FGF14: variants seen among roughly 807,000 people sequenced by gnomAD.
FGF14 encodes fibroblast growth factor homologous factor 4.
FGF14 carries 5 observed loss-of-function variants against 25.5 expected under a neutral mutation model. That is an observed-to-expected ratio of 0.20 (90% CI 0.10 to 0.41). The LOEUF (loss-of-function observed/expected upper bound fraction) is 0.41. Among genes scored for constraint, FGF14 ranks in the 10% least tolerant of loss-of-function variants. The pLI is 1.00. For synonymous variants in FGF14, 138 were observed against 118.3 expected (o/e 1.17, Z -1.08); for missense variants, 222 against 320.1 (o/e 0.69, Z 2.34).
chr13:102,213,729 CA>C (rs1206161511), intron 1 of FGF14, among the ~76,000 whole-genome samples: 1 of 152,194 alleles, frequency 6.6e-6, no homozygotes, highest in Non-Finnish European at 1.5e-5. Context: ...CAAGCAGCCT[CA>C]ACAGTGTTTG....
intron 3 of FGF14, among the ~76,000 whole-genome samples, chr13:101,844,895 C>A (rs551733491): frequency 6.6e-6 from 1 of 152,002 alleles, no homozygotes; most frequent in African/African-American, 2.4e-5. Context: ...CTAACACTCC[C>A]GTGTCCCCTG....
At chr13:102,360,232 C>T (rs913281983) in intron 1 of FGF14, among the ~76,000 whole-genome samples, 3 of 152,168 alleles carry the variant, frequency 2.0e-5, no homozygotes, top group African/African-American at 4.8e-5. Flanking sequence ...TCATCCCTTT[C>T]GTCAGCTTGT....
At chr13:101,855,854 T>A (rs190132125) in intron 3 of FGF14, among the ~76,000 whole-genome samples, 1 of 151,758 alleles carries the variant, frequency 6.6e-6, no homozygotes, top group African/African-American at 2.4e-5. Flanking sequence ...ATTGCATGGA[T>A]GATGCATAAA....
chr13:102,016,495 T>C (rs1430000507), intron 1 of FGF14, among the ~76,000 whole-genome samples: 5 of 152,186 alleles, frequency 3.3e-5, no homozygotes, highest in Admixed American at 3.3e-4. Flanking sequence ...TACAAATACC[T>C]AGACCTAAAC....
rs2139660193 is a variant in FGF14 at position 101,723,102 on chromosome 13, C to G, written c.608-135G>C. 3 of 1,014,206 alleles carry G rather than the reference C, an allele frequency of 3.0e-6. No individual in the cohort carries two copies. The East Asian group carries it at 7.2e-5, about 24-fold the overall frequency. 62.8% of individuals were successfully genotyped at this position (1,014,206 alleles called of 1,614,324 possible). On this transcript the variant is annotated intron_variant, in intron 4 of 4. Transcript: ENST00000376143. ...CTGAAGTAAAGCAATTCCATTGAGA[C>G]AGAATTCCTGTTGTAAAGCAATCAT...
At chr13:101,863,783 A>T (rs1008361899) in intron 3 of FGF14, among the ~76,000 whole-genome samples, 2 of 152,172 alleles carry the variant, frequency 1.3e-5, no homozygotes, top group Non-Finnish European at 2.9e-5. Context: ...GAGGAAAATA[A>T]CATTGTTCCA....
intron 1 of FGF14, among the ~76,000 whole-genome samples, chr13:102,061,137 C>T (rs1168055555): frequency 2.0e-5 from 3 of 152,246 alleles, no homozygotes; most frequent in Non-Finnish European, 4.4e-5. Flanking sequence ...TAAAACCTTG[C>T]ACTCATTCTC....
At chr13:101,764,708 T>C (rs1359214553) in intron 3 of FGF14, among the ~76,000 whole-genome samples, 1 of 152,118 alleles carries the variant, frequency 6.6e-6, no homozygotes, top group Non-Finnish European at 1.5e-5. Flanking sequence ...ACCCAGAAGA[T>C]TGCACCTCCC....
chr13:102,345,821 C>A (rs1370460481), intron 1 of FGF14, among the ~76,000 whole-genome samples: 1 of 152,204 alleles, frequency 6.6e-6, no homozygotes, highest in African/African-American at 2.4e-5. Flanking sequence ...GGCAGGATTT[C>A]TCTTGCTCTC....
At chr13:102,167,019 T>C (rs1347280059) in intron 1 of FGF14, among the ~76,000 whole-genome samples, 1 of 151,896 alleles carries the variant, frequency 6.6e-6, no homozygotes, top group Non-Finnish European at 1.5e-5. Flanking sequence ...ACAAAGCGAA[T>C]TGGCAGGGTG....
intron 1 of FGF14, among the ~76,000 whole-genome samples, chr13:101,992,740 G>C (rs1037282386): frequency 3.3e-5 from 5 of 151,834 alleles, no homozygotes; most frequent in African/African-American, 1.2e-4. Context: ...AAATGGCCAG[G>C]GAATCATTGG....
chr13:101,928,635 C>T (rs2034537471), intron 1 of FGF14, among the ~76,000 whole-genome samples: 2 of 152,006 alleles, frequency 1.3e-5, no homozygotes, highest in Non-Finnish European at 2.9e-5. Flanking sequence ...CTAATAATCC[C>T]ATTTTACTGA....
chr13:102,207,024 G>C (rs955900857), intron 1 of FGF14, among the ~76,000 whole-genome samples: 4 of 152,084 alleles, frequency 2.6e-5, no homozygotes, highest in Non-Finnish European at 2.9e-5. Flanking sequence ...GCTCATACCT[G>C]TAATCCCAAC....
intron 3 of FGF14, among the ~76,000 whole-genome samples, chr13:101,857,392 T>C (rs2044180795): frequency 1.3e-5 from 2 of 152,040 alleles, no homozygotes; most frequent in South Asian, 2.1e-4. Flanking sequence ...GACATGTTTA[T>C]TAACATGTGA....
intron 3 of FGF14, among the ~76,000 whole-genome samples, chr13:101,818,913 C>T (rs1301583970): frequency 6.6e-6 from 1 of 152,156 alleles, no homozygotes; most frequent in Non-Finnish European, 1.5e-5. Flanking sequence ...CATTACTCAT[C>T]CATTACTCCT....
At chr13:102,059,345 T>C (rs1203346144) in intron 1 of FGF14, among the ~76,000 whole-genome samples, 1 of 152,204 alleles carries the variant, frequency 6.6e-6, no homozygotes, top group African/African-American at 2.4e-5. Flanking sequence ...GACAGAGGAC[T>C]CACTCTCACA....
intron 1 of FGF14, among the ~76,000 whole-genome samples, chr13:102,347,859 C>T (rs2057158115): frequency 6.6e-6 from 1 of 151,970 alleles, no homozygotes; most frequent in Non-Finnish European, 1.5e-5. Context: ...CAACATGCAG[C>T]AAAGGGAATG....
intron 1 of FGF14, among the ~76,000 whole-genome samples, chr13:102,337,937 T>C (rs1030491921): frequency 1.3e-5 from 2 of 152,246 alleles, no homozygotes; most frequent in South Asian, 2.1e-4. Flanking sequence ...ATAGTGTATA[T>C]ATAACTCTTA....
At chr13:101,925,118 A>G (rs867514452) in intron 1 of FGF14, among the ~76,000 whole-genome samples, 14 of 152,366 alleles carry the variant, frequency 9.2e-5, no homozygotes, top group Non-Finnish European at 1.5e-4. Flanking sequence ...ACAACATCCA[A>G]TTCTACATTT....
Sources: gnomAD v4.1 joint callset for allele counts (sites outside exome capture counted in the v4.1 genomes callset) on GRCh38, gnomAD v4.1.1 for gene constraint, MANE v1.5 for transcripts, NCBI Gene and HGNC (gene_info 2026-07-23, HGNC 2026-07-21) for gene names.